The following FANCM variants were observed in gnomAD, a reference collection of about 807,000 sequenced individuals.
FANCM encodes the protein FA complementation group M, also known as Fanconi anemia group M protein.
A neutral mutation model predicts 199.5 loss-of-function variants in FANCM; 140 were observed. That is an observed-to-expected ratio of 0.70 (90% confidence interval 0.61 to 0.81). The LOEUF is 0.81. Among genes scored for constraint, FANCM ranks in the 30% least tolerant of loss-of-function variants. The probability of loss-of-function intolerance (pLI) is 0.00; values close to 1 mark genes in which losing one functional copy is unlikely to be tolerated. For synonymous variants in FANCM, 840 were observed against 836.8 expected, an observed-to-expected ratio of 1.00 and a Z score of -0.07; for missense variants, 2,410 against 2,421.4, an observed-to-expected ratio of 1.00 and a Z score of 0.10.
chr14:45,184,660 C>CAAAAAAAAA (rs776110476), intron 17 of FANCM, among the ~76,000 whole-genome samples: 2 of 62,182 alleles, frequency 3.2e-5, no homozygotes, highest in African/African-American at 1.2e-4. Context: ...GACTCTGTCT[C>CAAAAAAAAA]AAAAAAAAAA....
Position 45,199,998 on chromosome 14 carries a change from C to A in FANCM, c.6137C>A (p.Ser2046Tyr), listed in dbSNP as rs368311802. 1.9e-6 allele frequency: 3 copies of A among 1,607,484 alleles called. No homozygotes were observed. The highest frequency in any genetic ancestry group is 2.2e-5 in the South Asian group (2 of 90,850). Reference protein sequence around the residue: ...PNDLNQDRLKSDI With the variant: ...PNDLNQDRLKYDI ...GATCTTAACCAAGATAGACTGAAAT[C>A]TGATATATAATCAAGCTGCTCAAGA... Residue 2046 changes from serine to tyrosine, a missense_variant, in exon 23 of 23, where the codon TCT (serine) becomes TAT (tyrosine). Physicochemically the swap from Ser to Tyr is moderately radical, Grantham distance 144 (BLOSUM62 -2). Coordinates refer to ENST00000267430, the MANE Select transcript of FANCM (RefSeq NM_020937.4).
intron 11 of FANCM, among the ~76,000 whole-genome samples, chr14:45,169,688 A>G (rs906652127): frequency 2.0e-5 from 3 of 152,140 alleles, no homozygotes; most frequent in African/African-American, 7.2e-5. Context: ...CACTGCACCC[A>G]GCCAGTTTCC....
chr14:45,199,271 G>T (rs1267543510), intron 22 of FANCM, among the ~76,000 whole-genome samples: 2 of 152,290 alleles, frequency 1.3e-5, no homozygotes, highest in East Asian at 3.9e-4. Context: ...TTTACTAGTT[G>T]TGATCATTAT....
chr14:45,136,054 T>C lies in FANCM; in HGVS notation c.23T>C (p.Leu8Pro). 6.2e-7 allele frequency: 1 copy of C among 1,613,652 alleles called. No homozygotes were observed. Among genetic ancestry groups the C allele is most frequent in the Non-Finnish European group, 8.5e-7 (1 of 1,180,024 alleles). ...CTAATGAGCGGACGGCAAAGAACGCTTTTTCAGACGTGGGGCTCAAGTATC... is the reference window on the plus strand; with the variant it reads ...CTAATGAGCGGACGGCAAAGAACGCCTTTTCAGACGTGGGGCTCAAGTATC... MSGRQRT[L>P]FQTWGSSISR... Residue 8 changes from leucine (L) to proline (P), a missense_variant, in exon 1 of 23, where the codon CTT becomes CCT. Coordinates refer to ENST00000267430, the MANE Select transcript of FANCM (RefSeq NM_020937.4).
chr14:45,136,090 C>T lies in FANCM; in HGVS notation c.59C>T (p.Ser20Phe), dbSNP rs199699785. 6.2e-7 allele frequency: 1 copy of T among 1,614,120 alleles called. No homozygotes were observed. The highest frequency in any genetic ancestry group is 1.3e-5 in the African/African-American group (1 of 75,052). The part of the protein sequence containing the change: ...QTWGSSISRS[S>F]GTPGCSSGTE... ...TGGGGCTCAAGTATCTCCCGATCAT[C>T]TGGGACTCCGGGTTGCAGCTCCGGA... Residue 20 changes from serine to phenylalanine, a missense_variant, in exon 1 of 23, where the codon TCT (serine) becomes TTT (phenylalanine). Coordinates refer to ENST00000267430, the MANE Select transcript of FANCM (RefSeq NM_020937.4).
intron 3 of FANCM, among the ~76,000 whole-genome samples, chr14:45,145,009 T>TAACCATCA (rs1886261152): frequency 2.6e-5 from 4 of 152,008 alleles, no homozygotes; most frequent in African/African-American, 9.6e-5. Context: ...GTATTGCTGA[T>TAACCATCA]GGTTATTTAG....
At chr14:45,180,515 C>T (rs763064593) in intron 14 of FANCM, among the ~76,000 whole-genome samples, 7 of 151,908 alleles carry the variant, frequency 4.6e-5, no homozygotes, top group Non-Finnish European at 8.8e-5. Context: ...GGTGCAATCA[C>T]GACTCACTGC....
intron 4 of FANCM, among the ~76,000 whole-genome samples, chr14:45,150,329 A>G (rs1329378777): frequency 6.6e-6 from 1 of 152,210 alleles, no homozygotes; most frequent in Non-Finnish European, 1.5e-5. Context: ...ATTTATAACA[A>G]TGTAAATATG....
Position 45,173,215 on chromosome 14 carries a change from G to A in FANCM, c.2316+5G>A, listed in dbSNP as rs989373566. Reference sequence around the variant, plus strand: ...GAGGGAATGAGACACGAAGAGGTGGGGTTTTATTGTAACTTTCTCTTGCTG... The same window carrying A: ...GAGGGAATGAGACACGAAGAGGTGGAGTTTTATTGTAACTTTCTCTTGCTG... On this transcript the variant is annotated splice_donor_5th_base_variant and intron_variant, in intron 13 of 22. Coordinates refer to ENST00000267430, the MANE Select transcript of FANCM (RefSeq NM_020937.4). 1 of 1,612,870 alleles carries A rather than the reference G, an allele frequency of 6.2e-7. No individual in the cohort carries two copies. The highest frequency in any genetic ancestry group is 8.5e-7 in the Non-Finnish European group (1 of 1,179,004).
chr14:45,171,425 C>T (rs1302412827), intron 12 of FANCM, among the ~76,000 whole-genome samples: 3 of 151,936 alleles, frequency 2.0e-5, no homozygotes, highest in South Asian at 2.1e-4. Flanking sequence ...GCACATCATC[C>T]GAGCAGTGTA....
At chr14:45,136,640 T>A in intron 1 of FANCM, 101 bp downstream of exon 1, 1 of 1,154,554 alleles carries the variant, frequency 8.7e-7, no homozygotes, top group Non-Finnish European at 1.3e-6. Context: ...CCCTCCCTCT[T>A]AAAACATTCT....
intron 22 of FANCM, among the ~76,000 whole-genome samples, chr14:45,199,652 G>T (rs1890254465): frequency 6.6e-6 from 1 of 152,206 alleles, no homozygotes; most frequent in South Asian, 2.1e-4. Context: ...AAAACATTCA[G>T]TTCATTGAAG....
In FANCM at chr14:45,159,156, G is replaced by A. The variant is rs1469688264; in HGVS notation, c.1457G>A (p.Arg486Gln). 6.2e-7 allele frequency: 1 copy of A among 1,613,018 alleles called. No homozygotes were observed. Among genetic ancestry groups the A allele is most frequent in the Non-Finnish European group, 8.5e-7 (1 of 1,179,268 alleles). ...CGAGTTATGATCTTCTCTTCATTTC[G>A]AGATAGTGTTCAAGAAATTGCAGAA... ...ETRVMIFSSF[R>Q]DSVQEIAEML... Residue 486 changes from arginine (R) to glutamine (Q), a missense_variant, in exon 9 of 23, where the codon CGA (arginine) becomes CAA (glutamine). By Grantham distance (43) the Arg-to-Gln change is conservative. Coordinates refer to ENST00000267430, the MANE Select transcript of FANCM (RefSeq NM_020937.4).
chr14:45,177,675 A>G (rs769178507), intron 14 of FANCM, among the ~76,000 whole-genome samples: 3 of 152,158 alleles, frequency 2.0e-5, no homozygotes, highest in Non-Finnish European at 4.4e-5. Context: ...TACATGTGTG[A>G]GCCACTGCGC....
At chr14:45,136,609 CT>C in intron 1 of FANCM, 70 bp downstream of exon 1, 1 of 1,450,414 alleles carries the variant, frequency 6.9e-7, no homozygotes, top group Non-Finnish European at 9.6e-7. Context: ...AGTTCCCAAG[CT>C]ACAACATGTG....
chr14:45,188,888 A>T lies in FANCM; in HGVS notation c.4866A>T (p.Glu1622Asp). The change falls in exon 20 of 23, where the codon GAA becomes GAT. Residue 1622 changes from glutamate (E) to aspartate (D), a missense_variant. Physicochemically the swap from Glu to Asp is conservative, Grantham distance 45. Transcript: ENST00000267430. ...GCAAAGGCCAATCAAGTGAAGAAGA[A>T]GTTTGTGTTGATTTTAACTTAATAA... ...ESCKGQSSEE[E>D]VCVDFNLITD... 6.2e-7 allele frequency: 1 copy of T among 1,613,794 alleles called. No individual in the cohort carries two copies. The highest frequency in any genetic ancestry group is 1.1e-5 in the South Asian group (1 of 91,054).
intron 3 of FANCM, among the ~76,000 whole-genome samples, chr14:45,146,955 T>C (rs1265002089): frequency 6.6e-6 from 1 of 152,180 alleles, no homozygotes; most frequent in Non-Finnish European, 1.5e-5. Flanking sequence ...TTGGTCATTC[T>C]TTTGCGTATT....
At chr14:45,159,477 AGTAAT>A (rs1188054310) in intron 9 of FANCM, among the ~76,000 whole-genome samples, 197 bp downstream of exon 9, 2 of 151,806 alleles carry the variant, frequency 1.3e-5, no homozygotes, top group Non-Finnish European at 2.9e-5. Flanking sequence ...TTTTTTTTAA[AGTAAT>A]GTAAAGTGTA....
At chr14:45,182,421 G>A (rs1889127716) in intron 16 of FANCM, among the ~76,000 whole-genome samples, 1 of 152,218 alleles carries the variant, frequency 6.6e-6, no homozygotes, top group South Asian at 2.1e-4. Flanking sequence ...AAGAAGGAAA[G>A]GAAGGAGTCC....
Sources: allele counts gnomAD v4.1 joint callset (sites outside exome capture counted in the v4.1 genomes callset), GRCh38; gene constraint gnomAD v4.1.1; transcripts MANE v1.5; gene names NCBI Gene and HGNC (gene_info 2026-07-23, HGNC 2026-07-21).